The following CACNB2 variants were observed in gnomAD, a reference collection of about 807,000 sequenced individuals.
CACNB2 encodes the protein calcium voltage-gated channel auxiliary subunit beta 2, also known as voltage-dependent L-type calcium channel subunit beta-2.
Under a neutral mutation model 73.3 loss-of-function variants are expected in CACNB2, and 42 were observed. The ratio of observed to expected loss-of-function variants is 0.57; its 90% CI spans 0.45 to 0.74. The LOEUF (loss-of-function observed/expected upper bound fraction) is 0.74, where lower values mean the gene tolerates loss of function less well. Ranked by LOEUF, CACNB2 falls within the 30% of genes least tolerant of loss-of-function variation. The pLI, the probability that CACNB2 is intolerant of heterozygous loss-of-function variation, is 0.00. For missense variants in CACNB2, 940 were observed against 853.0 expected (o/e 1.10, Z -1.27); for synonymous variants, 348 against 310.3 (o/e 1.12, Z -1.28).
At chr10:18,253,945 T>A (rs1019285822) in intron 2 of CACNB2, among the ~76,000 whole-genome samples, 4 of 152,188 alleles carry the variant, frequency 2.6e-5, no homozygotes, top group Admixed American at 2.6e-4. Context: ...GTAAAGAAAA[T>A]TTTTAAAAGC....
intron 2 of CACNB2, among the ~76,000 whole-genome samples, chr10:18,322,828 A>C (rs2040441999): frequency 6.6e-6 from 1 of 152,096 alleles, no homozygotes; most frequent in African/African-American, 2.4e-5. Flanking sequence ...TAGTGTATTA[A>C]ATTTAAAGGT....
intron 2 of CACNB2, among the ~76,000 whole-genome samples, chr10:18,368,720 A>C (rs942469634): frequency 6.6e-6 from 1 of 152,218 alleles, no homozygotes; most frequent in Non-Finnish European, 1.5e-5. Context: ...TTCATTAATT[A>C]ACCCTCATGT....
chr10:18,523,419 G>C (rs1242898447), intron 9 of CACNB2, among the ~76,000 whole-genome samples: 1 of 152,196 alleles, frequency 6.6e-6, no homozygotes, highest in Admixed American at 6.5e-5. Context: ...ATGTTCGAGT[G>C]TATCAGCCAC....
chr10:18,483,812 A>G (rs2048916746), intron 3 of CACNB2, among the ~76,000 whole-genome samples: 1 of 152,224 alleles, frequency 6.6e-6, no homozygotes, highest in African/African-American at 2.4e-5. Context: ...TTTTCTAAAT[A>G]AGTACAGAAT....
chr10:18,467,225 A>T (rs2047941390), intron 3 of CACNB2, among the ~76,000 whole-genome samples: 1 of 152,212 alleles, frequency 6.6e-6, no homozygotes, highest in African/African-American at 2.4e-5. Flanking sequence ...GAAATAATCT[A>T]TTCTAAAGTA....
chr10:18,303,908 G>T (rs939834248), intron 2 of CACNB2, among the ~76,000 whole-genome samples: 2 of 152,138 alleles, frequency 1.3e-5, no homozygotes, highest in African/African-American at 4.8e-5. Context: ...CATTATATGA[G>T]ATTAAAATTT....
intron 2 of CACNB2, among the ~76,000 whole-genome samples, chr10:18,303,943 G>T (rs1031304673): frequency 8.5e-5 from 13 of 152,138 alleles, no homozygotes; most frequent in Non-Finnish European, 1.5e-5. Flanking sequence ...AAAACCGCCA[G>T]TGTTTTTATT....
intron 2 of CACNB2, among the ~76,000 whole-genome samples, chr10:18,232,220 T>C (rs2036251025): frequency 1.3e-5 from 2 of 152,198 alleles, no homozygotes; most frequent in African/African-American, 4.8e-5. Context: ...ACAGTGTCCA[T>C]GGCACTTTAT....
At chr10:18,507,938 T>G (rs368749834) in intron 6 of CACNB2, among the ~76,000 whole-genome samples, 2 of 152,002 alleles carry the variant, frequency 1.3e-5, no homozygotes, top group African/African-American at 4.8e-5. Flanking sequence ...TAGCAAAAAC[T>G]ATAGGATTTT....
At chr10:18,288,676 T>TATATACACACACACACACACACAC (rs1554785394) in intron 2 of CACNB2, among the ~76,000 whole-genome samples, 2 of 144,312 alleles carry the variant, frequency 1.4e-5, no homozygotes, top group African/African-American at 5.2e-5. Flanking sequence ...ATGAGATTTA[T>TATATACACACACACACACACACAC]ACACACACAC....
rs1306829263 is a variant in CACNB2, at chr10:18,159,276, G to C, written c.213+8301G>C. ...CTCCTGCCGCGTATAGCCCGGACTC[G>C]CGAACTGTTTACACTGATTTTTTTC... is the stretch of plus-strand genomic sequence containing the variant. On this transcript the variant is annotated intron_variant, in intron 2 of 13. Transcript: ENST00000324631. Among the ~76,000 whole-genome samples, 5 of 152,274 alleles carry C rather than the reference G, an allele frequency of 3.3e-5. No individual in the cohort carries two copies. In the South Asian group the frequency reaches 1.0e-3, roughly 32 times the overall value.
rs2054109496 is a variant in CACNB2, at chr10:18,542,487, A to G, written c.*2763A>G. ...TGATTTTAGAATATTTAAATTCTTG[A>G]AACATAGCTAGTATTTATCTTACTT... On this transcript the variant is annotated 3_prime_UTR_variant, in exon 14 of 14. Transcript: ENST00000324631. 1 of 152,228 alleles carries G rather than the reference A, an allele frequency of 6.6e-6. No homozygotes were observed. Among genetic ancestry groups the G allele is most frequent in the Non-Finnish European group, 1.5e-5 (1 of 68,044 alleles). The allele number at this position is 152,228 out of a possible 1,614,324, so 9.4% of individuals were successfully genotyped here. A position where few individuals can be genotyped will look rare whatever the true frequency, so the allele number is the denominator to read the frequency against.
chr10:18,180,781 A>G (rs552252404), intron 2 of CACNB2, among the ~76,000 whole-genome samples: 14 of 152,144 alleles, frequency 9.2e-5, no homozygotes, highest in African/African-American at 3.4e-4. Flanking sequence ...CCTGGCTAAC[A>G]TAGTGAAACC....
At chr10:18,392,296 G>A (rs772611980) in intron 2 of CACNB2, among the ~76,000 whole-genome samples, 1 of 152,098 alleles carries the variant, frequency 6.6e-6, no homozygotes, top group Non-Finnish European at 1.5e-5. Context: ...AAGAGGGAGT[G>A]GTTTCTTGGA....
At chr10:18,372,523 C>A (rs1006436355) in intron 2 of CACNB2, among the ~76,000 whole-genome samples, 1 of 152,184 alleles carries the variant, frequency 6.6e-6, no homozygotes, top group African/African-American at 2.4e-5. Flanking sequence ...TCTCCTGCTT[C>A]AGCCTACCAA....
rs79264004 is a variant in CACNB2 at position 18,157,413 on chromosome 10, A to T, written c.213+6438A>T. On this transcript the variant is annotated intron_variant, in intron 2 of 13. Coordinates refer to ENST00000324631, the MANE Select transcript of CACNB2 (RefSeq NM_201596.3). ...GCTTACCTCAAAATTAGGTGTAAGGATTACATGAGTTATCACTTGTAATTT... is the reference window on the plus strand; with the variant it reads ...GCTTACCTCAAAATTAGGTGTAAGGTTTACATGAGTTATCACTTGTAATTT... Among the ~76,000 whole-genome samples, 1,526 of 152,282 alleles carry T rather than the reference A, an allele frequency of 0.01. 75 individuals carry two copies. The East Asian group carries it at 0.17, about 17-fold the overall frequency.
chr10:18,464,418 T>TAAAATTAAAAAAAAAAAAAAAA (rs1554824204), intron 3 of CACNB2, among the ~76,000 whole-genome samples: 1 of 85,298 alleles, frequency 1.2e-5, no homozygotes, highest in Non-Finnish European at 2.3e-5. Flanking sequence ...TCTCAAAAAT[T>TAAAATTAAAAAAAAAAAAAAAA]AAAAAAAAAA....
At position 18,515,066 on chromosome 10, in the gene CACNB2, T is replaced by G; in HGVS notation, c.804+697T>G. 4 of 1,572,700 alleles carry G rather than the reference T, an allele frequency of 2.5e-6. No individual in the cohort carries two copies. The Middle Eastern group carries it at 6.7e-4, about 263-fold the overall frequency. ...TGTGAGTTTTTCCTATTGTCATATA[T>G]AAATATTCTCCCGATGTTCTTGCCT... On this transcript the variant is annotated intron_variant, in intron 7 of 13. Coordinates refer to ENST00000324631, the MANE Select transcript of CACNB2 (RefSeq NM_201596.3).
intron 6 of CACNB2, among the ~76,000 whole-genome samples, chr10:18,510,644 A>G (rs751051933): frequency 6.6e-6 from 1 of 152,252 alleles, no homozygotes; most frequent in Non-Finnish European, 1.5e-5. Flanking sequence ...TGATGATCAC[A>G]GCAGGCTAGA....
Sources: allele counts gnomAD v4.1 joint callset (sites outside exome capture counted in the v4.1 genomes callset), GRCh38; gene constraint gnomAD v4.1.1; transcripts MANE v1.5; gene names NCBI Gene and HGNC (gene_info 2026-07-23, HGNC 2026-07-21).